The following MAGI1 variants were observed in gnomAD, a reference collection of about 807,000 sequenced individuals.
MAGI1 encodes membrane associated guanylate kinase, WW and PDZ domain containing 1.
Under a neutral mutation model 139.9 loss-of-function variants are expected in MAGI1, and 58 were observed. The observed-to-expected ratio is 0.41, with a 90% confidence interval of 0.34 to 0.52. The LOEUF (loss-of-function observed/expected upper bound fraction) is 0.52, where lower values mean the gene tolerates loss of function less well. Among genes scored for constraint, MAGI1 ranks in the 20% least tolerant of loss-of-function variants. MAGI1 has a pLI of 0.12. For missense variants in MAGI1, 1,874 were observed against 1,901.6 expected (o/e 0.99, Z 0.27); for synonymous variants, 812 against 737.9 (o/e 1.10, Z -1.63).
chr3:65,385,090 T>C (rs1410333275), intron 14 of MAGI1, among the ~76,000 whole-genome samples: 1 of 152,208 alleles, frequency 6.6e-6, no homozygotes, highest in Non-Finnish European at 1.5e-5. Flanking sequence ...GCATTAAAAG[T>C]ATTAATTCAT....
chr3:65,996,610 T>C (rs768713366), intron 1 of MAGI1, among the ~76,000 whole-genome samples: 1 of 146,720 alleles, frequency 6.8e-6, no homozygotes, highest in Non-Finnish European at 1.5e-5. Context: ...AAACCAAAAA[T>C]GAAGTCAGAC....
intron 1 of MAGI1, among the ~76,000 whole-genome samples, chr3:66,012,765 C>CA (rs34971326): frequency 0.48 from 54,388 of 113,634 alleles, 12,347 homozygotes; most frequent in East Asian, 0.63. Flanking sequence ...GACTCCATCT[C>CA]AAAAAAAAAA....
At chr3:65,959,606 TA>T (rs2064311478) in intron 1 of MAGI1, among the ~76,000 whole-genome samples, 6 of 120,514 alleles carry the variant, frequency 5.0e-5, no homozygotes, top group Non-Finnish European at 1.1e-4. Flanking sequence ...GCATTTTTAT[TA>T]TTATTATTAT....
chr3:65,980,679 G>A (rs561370674), intron 1 of MAGI1, among the ~76,000 whole-genome samples: 2 of 152,150 alleles, frequency 1.3e-5, no homozygotes, highest in South Asian at 4.2e-4. Context: ...GAACTAGTTA[G>A]TACACAGGTC....
rs143139340 is a variant in MAGI1, at chr3:65,622,061, T to C, written c.341A>G (p.His114Arg). The C allele has an allele frequency of 7.2e-5, 116 of 1,613,800 alleles. No homozygotes were observed. The highest frequency in any genetic ancestry group is 8.8e-5 in the Non-Finnish European group (104 of 1,179,914). Residue 114 changes from histidine to arginine, a missense_variant, in exon 2 of 23, where the codon CAT (histidine) becomes CGT (arginine). Physicochemically the swap from His to Arg is conservative, Grantham distance 29. This residue lies in a region of MAGI1 where 648 missense variants were observed against 598.1 expected (regional missense o/e 1.08). Coordinates refer to ENST00000402939, the MANE Select transcript of MAGI1 (RefSeq NM_001033057.2). Reference sequence around the variant, plus strand: ...CTTCTGGAATCGCTGATTGAGAAAATGTCGCAGGTCCTTGTTCAGCCTTCC... The same window carrying C: ...CTTCTGGAATCGCTGATTGAGAAAACGTCGCAGGTCCTTGTTCAGCCTTCC... Reference protein sequence around the residue: ...QGGRLNKDLRHFLNQRFQKGS... With the variant: ...QGGRLNKDLRRFLNQRFQKGS...
chr3:65,464,368 G>A (rs776515897), intron 5 of MAGI1, among the ~76,000 whole-genome samples: 4 of 151,896 alleles, frequency 2.6e-5, no homozygotes, highest in African/African-American at 4.8e-5. Flanking sequence ...TCATATATAT[G>A]TTTAGTGCTG....
rs779242047 is a variant in MAGI1, at chr3:65,356,602, C to A, written c.4165G>T (p.Gly1389Trp). 13 of 1,592,126 alleles carry A rather than the reference C, an allele frequency of 8.2e-6. No individual in the cohort carries two copies. The Admixed American group carries it at 2.0e-4, about 24-fold the overall frequency. The change falls in exon 23 of 23, where the codon GGG (glycine) becomes TGG (tryptophan). Residue 1389 changes from glycine to tryptophan, a missense_variant. Around this residue, in one of 5 missense-constraint regions of MAGI1, gnomAD observed 653 missense variants for 644.5 expected, o/e 1.01. Transcript: ENST00000402939. ...TTGGCCCTGCGCTCGGGCGAGCCCC[C>A]TCTCCTGCGCTCGGGGGACCTCCTC... is the stretch of plus-strand genomic sequence containing the variant. ...EQRRSPERRR[G>W]GSPERRAKST...
chr3:65,497,069 T>G (rs745345827), intron 2 of MAGI1, among the ~76,000 whole-genome samples: 5 of 152,076 alleles, frequency 3.3e-5, no homozygotes, highest in Non-Finnish European at 7.3e-5. Flanking sequence ...TTGAAATGCC[T>G]AACAGACACC....
chr3:65,582,865 C>CCT (rs1054007425), intron 2 of MAGI1, among the ~76,000 whole-genome samples: 11 of 152,206 alleles, frequency 7.2e-5, no homozygotes, highest in African/African-American at 2.7e-4. Flanking sequence ...CATGACTTCT[C>CCT]CTTCTACAAC....
At chr3:65,502,498 T>C (rs193208265) in intron 2 of MAGI1, among the ~76,000 whole-genome samples, 189 of 152,310 alleles carry the variant, frequency 1.2e-3, no homozygotes, top group African/African-American at 4.3e-3. Flanking sequence ...GACACACACC[T>C]GGAGTCCCAG....
chr3:65,601,725 C>G (rs943065828), intron 2 of MAGI1, among the ~76,000 whole-genome samples: 1 of 133,682 alleles, frequency 7.5e-6, no homozygotes, highest in East Asian at 2.0e-4. Flanking sequence ...ACCAAAAGCA[C>G]AAATAAAAAA....
At chr3:65,841,389 T>TTTCC (rs1559932798) in intron 1 of MAGI1, among the ~76,000 whole-genome samples, 1 of 151,942 alleles carries the variant, frequency 6.6e-6, no homozygotes, top group Non-Finnish European at 1.5e-5. Context: ...AATTTTCCTC[T>TTTCC]TTTCTTTCTT....
At chr3:65,419,965 C>G (rs1221646474) in intron 12 of MAGI1, among the ~76,000 whole-genome samples, 1 of 152,084 alleles carries the variant, frequency 6.6e-6, no homozygotes, top group African/African-American at 2.4e-5. Context: ...GTCCTGCTGA[C>G]TATTCTTTAG....
intron 3 of MAGI1, 116 bp downstream of exon 3, chr3:65,493,396 T>C (rs749182207): frequency 3.5e-5 from 42 of 1,191,100 alleles, no homozygotes; most frequent in Non-Finnish European, 4.7e-5. Context: ...TGAACTGAAA[T>C]CTCCTGTTAT....
intron 1 of MAGI1, among the ~76,000 whole-genome samples, chr3:65,861,086 G>A (rs564763999): frequency 2.0e-5 from 3 of 152,208 alleles, no homozygotes; most frequent in South Asian, 2.1e-4. Flanking sequence ...GCCACAACGC[G>A]GCCTTTGATC....
chr3:65,452,581 A>ATTTTTTTTTTTT (rs201045251), intron 6 of MAGI1: 1 of 146,566 alleles, frequency 6.8e-6, no homozygotes. Flanking sequence ...CTCTGTTTCA[A>ATTTTTTTTTTTT]TTTTTTTTTT....
rs528632521 is a variant in MAGI1 at position 65,716,745 on chromosome 3, A to G, written c.314-94657T>C. 2.1e-3 allele frequency among the ~76,000 whole-genome samples: 325 copies of G among 152,300 alleles called. 2 individuals are homozygous for G. The highest frequency in any genetic ancestry group is 2.1e-3 in the East Asian group (11 of 5,170). On this transcript the variant is annotated intron_variant, in intron 1 of 22. Coordinates refer to ENST00000402939, the MANE Select transcript of MAGI1 (RefSeq NM_001033057.2). ...TAAACTCTGCATTCAATGAGTACAC[A>G]TGGAGGACCCATCACTGACCAGGCT...
At chr3:65,500,031 C>CA (rs57062285) in intron 2 of MAGI1, among the ~76,000 whole-genome samples, 33,350 of 151,950 alleles carry the variant, frequency 0.22, 3,836 homozygotes, top group African/African-American at 0.29. Flanking sequence ...TTAGTCCTCA[C>CA]AAAAAAACAT....
At chr3:65,387,313 C>A in intron 14 of MAGI1, 1 of 925,940 alleles carries the variant, frequency 1.1e-6, no homozygotes, top group Non-Finnish European at 1.7e-6. Flanking sequence ...TGATAAGGAA[C>A]AGTCAGTTCA....
Sources: allele counts gnomAD v4.1 joint callset (sites outside exome capture counted in the v4.1 genomes callset), GRCh38; gene constraint gnomAD v4.1.1; regional missense constraint gnomAD v4.1.1; transcripts MANE v1.5; gene names NCBI Gene and HGNC (gene_info 2026-07-23, HGNC 2026-07-21).